The following GARRE1 variants were observed in gnomAD, a reference collection of about 807,000 sequenced individuals.
GARRE1 encodes granule associated Rac and RHOG effector 1, also known as granule associated Rac and RHOG effector protein 1.
A neutral mutation model predicts 103.2 loss-of-function variants in GARRE1; 49 were observed. The ratio of observed to expected loss-of-function variants is 0.47; its 90% CI spans 0.38 to 0.60. GARRE1 has a LOEUF of 0.60. Ranked by LOEUF, GARRE1 falls within the 20% of genes least tolerant of loss-of-function variation. The pLI is 0.00. For synonymous variants in GARRE1, 505 were observed against 532.8 expected (o/e 0.95, Z 0.72); for missense variants, 1,199 against 1,370.5 (o/e 0.87, Z 1.98).
chr19:34,342,859 CT>C (rs1317185520), intron 10 of GARRE1, among the ~76,000 whole-genome samples: 1 of 151,032 alleles, frequency 6.6e-6, no homozygotes, highest in Non-Finnish European at 1.5e-5. Flanking sequence ...TGCCTAAACT[CT>C]AGGACCTATG....
At chr19:34,343,873 TA>T (rs1371124345) in intron 10 of GARRE1, among the ~76,000 whole-genome samples, 1 of 151,950 alleles carries the variant, frequency 6.6e-6, no homozygotes. Flanking sequence ...ACATAAAAAA[TA>T]AAAAAGACTA....
chr19:34,349,071 G>A lies in GARRE1; in HGVS notation c.2743G>A (p.Asp915Asn), dbSNP rs2074225399. 6.2e-7 allele frequency: 1 copy of A among 1,612,804 alleles called. No homozygotes were observed. The part of the protein sequence containing the change: ...GAQGDSASSS[D>N]ETSSANGDSL... ...TCAGGGAGACTCTGCCAGCTCGAGT[G>A]ATGAGACATCCTCAGCCAACGGGGA... The change falls in exon 12 of 14, where the codon GAT becomes AAT. Residue 915 changes from aspartate to asparagine, a missense_variant. Asp to Asn is a conservative substitution (Grantham distance 23). Transcript: ENST00000299505.
At chr19:34,272,779 A>G (rs1408958016) in intron 1 of GARRE1, among the ~76,000 whole-genome samples, 7 of 152,238 alleles carry the variant, frequency 4.6e-5, no homozygotes, top group Non-Finnish European at 1.0e-4. Flanking sequence ...AACCTGTGGC[A>G]GCAGATTGCC....
chr19:34,339,830 A>G lies in GARRE1; in HGVS notation c.1362-37A>G. On this transcript the variant is annotated intron_variant, in intron 8 of 13. Transcript: ENST00000299505. ...CTGCTTGAGACACCTTTGCAGAGAA[A>G]TGCAGCCAAGACTAATGCAGCCTAA... The G allele has an allele frequency of 2.5e-6, 4 of 1,613,298 alleles. No homozygotes were observed. The South Asian group carries it at 3.3e-5, about 13-fold the overall frequency.
chr19:34,325,039 C>T (rs1356516055), intron 3 of GARRE1, among the ~76,000 whole-genome samples: 2 of 152,050 alleles, frequency 1.3e-5, no homozygotes, highest in African/African-American at 4.8e-5. Flanking sequence ...ATCCAGGGAA[C>T]CCTTTCAACA....
intron 9 of GARRE1, 100 bp from the exon 10 acceptor site, chr19:34,341,322 T>G: frequency 1.0e-6 from 1 of 997,944 alleles, no homozygotes; most frequent in Non-Finnish European, 1.5e-6. Context: ...ACCTGAGAGG[T>G]TTTTCTTGCT....
chr19:34,304,471 G>A (rs1369484311), intron 2 of GARRE1, among the ~76,000 whole-genome samples: 1 of 151,342 alleles, frequency 6.6e-6, no homozygotes, highest in Non-Finnish European at 1.5e-5. Context: ...TGTCTCCTGG[G>A]TTAAAGCGAT....
chr19:34,346,123 T>G (rs1185735702), intron 10 of GARRE1, among the ~76,000 whole-genome samples: 1 of 152,206 alleles, frequency 6.6e-6, no homozygotes, highest in African/African-American at 2.4e-5. Flanking sequence ...CAGGCCAGCA[T>G]GACTGAAATC....
At chr19:34,344,868 G>T (rs939342386) in intron 10 of GARRE1, among the ~76,000 whole-genome samples, 1 of 146,234 alleles carries the variant, frequency 6.8e-6, no homozygotes, top group African/African-American at 2.5e-5. Flanking sequence ...ACGGAGTCTC[G>T]CTCTACCGCC....
In GARRE1 at chr19:34,287,627, C is replaced by CTA. The variant is rs1324503156; in HGVS notation, c.-795-12049_-795-12048dup. Among the ~76,000 whole-genome samples, 40 of 152,196 alleles carry CTA rather than the reference C, an allele frequency of 2.6e-4. 1 individual carries two copies. Among genetic ancestry groups the CTA allele is most frequent in the Admixed American group, 2.6e-3 (40 of 15,268 alleles). On this transcript the variant is annotated intron_variant, in intron 1 of 13. Transcript: ENST00000299505. Reference sequence around the variant, plus strand: ...TAGTTCAGGCTGCTTTGACAAAGTACTATAGACTGGGTAGCTTATAAACAA... The same window carrying CTA: ...TAGTTCAGGCTGCTTTGACAAAGTACTATATAGACTGGGTAGCTTATAAACAA...
intron 1 of GARRE1, among the ~76,000 whole-genome samples, chr19:34,299,169 C>T (rs937872649): frequency 1.3e-5 from 2 of 152,158 alleles, no homozygotes; most frequent in Non-Finnish European, 2.9e-5. Context: ...CCCACCTGTC[C>T]CTTTTGCACT....
Position 34,300,362 on chromosome 19 carries a change from T to C in GARRE1, c.-112T>C. The stretch of plus-strand genomic sequence containing the variant: ...CACCTGCCTCATGGAAATGCCTTTT[T>C]TAAAACTTCGATTTGCAGAACTCCA... On this transcript the variant is annotated 5_prime_UTR_variant, in exon 2 of 14. Coordinates refer to ENST00000299505, the MANE Select transcript of GARRE1 (RefSeq NM_014686.5). 5.2e-6 allele frequency: 7 copies of C among 1,346,862 alleles called. No individual in the cohort carries two copies. The highest frequency in any genetic ancestry group is 1.5e-5 in the South Asian group (1 of 64,796). The allele number at this position is 1,346,862 out of a possible 1,614,324, so 83.4% of individuals were successfully genotyped here.
Position 34,327,426 on chromosome 19 carries a change from A to C in GARRE1, c.711A>C (p.Thr237=), listed in dbSNP as rs771092153. Residue 237 remains threonine, a synonymous_variant, in exon 4 of 14, where the codon ACA becomes ACC. Transcript: ENST00000299505. ...VRSWRGAAEA[T]SRLRERGCDG... ...AGTTACTATATATGTTACAGGCGAC[A>C]TCTAGACTAAGAGAAAGAGGCTGTG... The C allele has an allele frequency of 1.2e-6, 2 of 1,613,986 alleles. No individual in the cohort carries two copies. Among genetic ancestry groups the C allele is most frequent in the African/African-American group, 2.7e-5 (2 of 74,942 alleles).
At chr19:34,294,655 T>G (rs980860831) in intron 1 of GARRE1, among the ~76,000 whole-genome samples, 3 of 152,168 alleles carry the variant, frequency 2.0e-5, no homozygotes, top group Non-Finnish European at 4.4e-5. Flanking sequence ...TGGGCTATAT[T>G]CTTTTGTTTC....
intron 10 of GARRE1, 43 bp from the exon 11 acceptor site, chr19:34,347,834 C>G: frequency 6.8e-7 from 1 of 1,465,460 alleles, no homozygotes; most frequent in Non-Finnish European, 9.1e-7. Context: ...ACCAAGAGGC[C>G]AGTTTGTCCC....
chr19:34,296,296 G>C, intron 1 of GARRE1: 1 of 724,114 alleles, frequency 1.4e-6, no homozygotes, highest in African/African-American at 1.7e-5. Flanking sequence ...GCCTTTGTAG[G>C]GGCCTGGGCA....
At chr19:34,339,765 C>A in intron 8 of GARRE1, 102 bp from the exon 9 acceptor site, 2 of 1,418,592 alleles carry the variant, frequency 1.4e-6, no homozygotes, top group African/African-American at 1.4e-5. Context: ...TTTTGCTGGG[C>A]GCCAGAGGTA....
Position 34,342,242 on chromosome 19 carries a change from G to A in GARRE1, c.2308G>A (p.Ala770Thr), listed in dbSNP as rs1402600849. The change falls in exon 10 of 14, where the codon GCA becomes ACA. Residue 770 changes from alanine (A) to threonine (T), a missense_variant. Transcript: ENST00000299505. Reference protein sequence around the residue: ...SSQQPAQAVGAGLSPLGQWPG... With the variant: ...SSQQPAQAVGTGLSPLGQWPG... ...CCAGCAGCCAGCGCAGGCTGTTGGA[G>A]CAGGTCTGTCTCCTCTTGGTCAGTG... is the stretch of plus-strand genomic sequence containing the variant. The A allele has an allele frequency of 2.5e-6, 4 of 1,614,152 alleles. No individual in the cohort carries two copies. In the African/African-American group the frequency reaches 4.0e-5, roughly 16 times the overall value.
chr19:34,294,956 C>T (rs2073939425), intron 1 of GARRE1, among the ~76,000 whole-genome samples: 1 of 152,192 alleles, frequency 6.6e-6, no homozygotes, highest in Non-Finnish European at 1.5e-5. Context: ...GGATTACAGG[C>T]TTGAGCCACT....
Sources: allele counts gnomAD v4.1 joint callset (sites outside exome capture counted in the v4.1 genomes callset), GRCh38; gene constraint gnomAD v4.1.1; transcripts MANE v1.5; gene names NCBI Gene and HGNC (gene_info 2026-07-23, HGNC 2026-07-21).